SLAMF6: variants seen among roughly 807,000 people sequenced by gnomAD.
SLAMF6 encodes the protein SLAM family member 6.
In SLAMF6, 21 loss-of-function variants were observed where a neutral mutation model predicts 38.3. The ratio of observed to expected loss-of-function variants is 0.55; its 90% CI spans 0.39 to 0.79. SLAMF6 has a LOEUF of 0.79. Ranked by LOEUF, SLAMF6 falls within the 30% of genes least tolerant of loss-of-function variation. SLAMF6 has a pLI of 0.00. For synonymous variants in SLAMF6, 152 were observed against 146.3 expected, an observed-to-expected ratio of 1.04 and a Z score of -0.28; for missense variants, 341 against 385.3, an observed-to-expected ratio of 0.89 and a Z score of 0.96.
At chr1:160,507,820 G>A (rs865993334) in intron 1 of SLAMF6, among the ~76,000 whole-genome samples, 1 of 151,964 alleles carries the variant, frequency 6.6e-6, no homozygotes, top group Non-Finnish European at 1.5e-5. Context: ...AGATGAATTA[G>A]GATATATCTT....
chr1:160,491,258 G>C lies in SLAMF6; in HGVS notation c.513C>G (p.Asn171Lys). ...TGAGGTTTGGCTGACTTGAAAGTGT[G>C]TTTCCCAAGGCCTCCCATCTGAATG... ...NVSFRWEALG[N>K]TLSSQPNLTV... Residue 171 changes from asparagine to lysine, a missense_variant, in exon 3 of 8, where the codon AAC becomes AAG. By Grantham distance (94) the Asn-to-Lys change is moderately conservative (BLOSUM62 0). Coordinates refer to ENST00000368057, the MANE Select transcript of SLAMF6 (RefSeq NM_001184714.2). The C allele has an allele frequency of 1.2e-6, 2 of 1,614,098 alleles. No homozygotes were observed.
chr1:160,520,104 T>C (rs769558136), intron 1 of SLAMF6, among the ~76,000 whole-genome samples: 15 of 151,934 alleles, frequency 9.9e-5, no homozygotes, highest in Non-Finnish European at 1.9e-4. Context: ...ATAAAACAGC[T>C]CTCTGCCTGT....
chr1:160,495,361 A>T (rs984404400), intron 2 of SLAMF6, among the ~76,000 whole-genome samples: 2 of 152,250 alleles, frequency 1.3e-5, no homozygotes, highest in African/African-American at 4.8e-5. Context: ...ATATTGACTC[A>T]TAAGAAATCT....
intron 1 of SLAMF6, 58 bp downstream of exon 1, chr1:160,523,086 A>G: frequency 6.3e-7 from 1 of 1,582,922 alleles, no homozygotes; most frequent in East Asian, 2.2e-5. Flanking sequence ...TAGGTTGAGC[A>G]AGCTGCACAA....
chr1:160,486,435 G>C lies in SLAMF6; in HGVS notation c.*272C>G, dbSNP rs765384538. On this transcript the variant is annotated 3_prime_UTR_variant, in exon 8 of 8. Coordinates refer to ENST00000368057, the MANE Select transcript of SLAMF6 (RefSeq NM_001184714.2). Reference sequence around the variant, plus strand: ...TCCATTTGCTTAGTTATCAAAGAGAGAGTCAATGTGCTGGTGTGTTATCTT... The same window carrying C: ...TCCATTTGCTTAGTTATCAAAGAGACAGTCAATGTGCTGGTGTGTTATCTT... 188 of 392,536 alleles carry C rather than the reference G, an allele frequency of 4.8e-4. No individual in the cohort carries two copies. Among genetic ancestry groups the C allele is most frequent in the Non-Finnish European group, 6.9e-4 (147 of 213,798 alleles). 24.3% of individuals were successfully genotyped at this position (392,536 alleles called of 1,614,324 possible). A position where few individuals can be genotyped will look rare whatever the true frequency, so the allele number is the denominator to read the frequency against.
intron 1 of SLAMF6, among the ~76,000 whole-genome samples, chr1:160,502,054 A>G (rs2050523): frequency 0.9 from 137,361 of 152,198 alleles, 62,148 homozygotes; most frequent in Non-Finnish European, 0.93. Flanking sequence ...GAGCTGCTTC[A>G]GGGCCAAGGT....
At chr1:160,514,518 A>T (rs926842046) in intron 1 of SLAMF6, among the ~76,000 whole-genome samples, 3 of 152,228 alleles carry the variant, frequency 2.0e-5, no homozygotes, top group African/African-American at 7.2e-5. Context: ...ATAGACCTCT[A>T]CAAAACTCTC....
At chr1:160,494,546 G>T (rs1240361879) in intron 2 of SLAMF6, among the ~76,000 whole-genome samples, 2 of 152,144 alleles carry the variant, frequency 1.3e-5, no homozygotes, top group Non-Finnish European at 2.9e-5. Context: ...TGGAAAAAAA[G>T]GGTCTTTGCA....
In SLAMF6 at chr1:160,489,145, A is replaced by G; in HGVS notation, c.822T>C (p.Tyr274=). 1 of 1,613,954 alleles carries G rather than the reference A, an allele frequency of 6.2e-7. No homozygotes were observed. The highest frequency in any genetic ancestry group is 8.5e-7 in the Non-Finnish European group (1 of 1,179,868). Residue 274 remains tyrosine, a synonymous_variant, in exon 6 of 8, where the codon TAT becomes TAC. Transcript: ENST00000368057. The part of the protein sequence containing the change: ...GPAESARNLE[Y]VSVSPTNNTV... ...TGTTGTTCGTTGGAGACACTGAAAC[A>G]TACTCTAGGTTCCTTGCGGACTCTG...
chr1:160,491,152 A>G lies in SLAMF6; in HGVS notation c.619T>C (p.Ser207Pro). ...TCGCAAAGCTTCTGGGCAGAGACAG[A>G]GAAGGATAAATTACTGACAGCATTC... is the stretch of plus-strand genomic sequence containing the variant. ...AENAVSNLSF[S>P]VSAQKLCEDV... Residue 207 changes from serine to proline, a missense_variant, in exon 3 of 8, where the codon TCT (serine) becomes CCT (proline). Physicochemically the swap from Ser to Pro is moderately conservative, Grantham distance 74 (BLOSUM62 -1). Transcript: ENST00000368057. 5 of 1,613,980 alleles carry G rather than the reference A, an allele frequency of 3.1e-6. No individual in the cohort carries two copies. Among genetic ancestry groups the G allele is most frequent in the Non-Finnish European group, 4.2e-6 (5 of 1,179,966 alleles).
intron 1 of SLAMF6, among the ~76,000 whole-genome samples, chr1:160,505,639 T>C (rs1256081828): frequency 3.9e-5 from 6 of 152,120 alleles, no homozygotes; most frequent in African/African-American, 1.4e-4. Flanking sequence ...TGGGCTCAAA[T>C]GATTTACCTG....
intron 6 of SLAMF6, among the ~76,000 whole-genome samples, chr1:160,487,690 G>T (rs1010641691): frequency 6.6e-5 from 10 of 152,262 alleles, no homozygotes; most frequent in Admixed American, 2.0e-4. Flanking sequence ...GAATGGCTCT[G>T]CCTGGAATGC....
chr1:160,523,226 T>A lies in SLAMF6; in HGVS notation c.-34A>T. On this transcript the variant is annotated 5_prime_UTR_variant, in exon 1 of 8. Transcript: ENST00000368057. ...CGGTGAAGACTGGTGCTTGAGACCTTGAGGCAGTCAATGTTTTTGCCCTTC... is the reference window on the plus strand; with the variant it reads ...CGGTGAAGACTGGTGCTTGAGACCTAGAGGCAGTCAATGTTTTTGCCCTTC... 1 of 1,607,934 alleles carries A rather than the reference T, an allele frequency of 6.2e-7. No individual in the cohort carries two copies. The highest frequency in any genetic ancestry group is 8.5e-7 in the Non-Finnish European group (1 of 1,177,386).
At chr1:160,522,349 C>T (rs1405435378) in intron 1 of SLAMF6, among the ~76,000 whole-genome samples, 1 of 152,186 alleles carries the variant, frequency 6.6e-6, no homozygotes, top group Non-Finnish European at 1.5e-5. Flanking sequence ...ACAATAAGTG[C>T]TCAGTGAATG....
intron 7 of SLAMF6, 151 bp from the exon 8 acceptor site, chr1:160,486,905 A>T: frequency 3.0e-6 from 3 of 1,015,216 alleles, no homozygotes; most frequent in Non-Finnish European, 2.9e-6. Flanking sequence ...AAAACATGTA[A>T]TTGAAAACTC....
chr1:160,506,283 T>A (rs540885923), intron 1 of SLAMF6, among the ~76,000 whole-genome samples: 1 of 152,078 alleles, frequency 6.6e-6, no homozygotes, highest in East Asian at 1.9e-4. Flanking sequence ...AAGCAACTAG[T>A]CATGTACAAG....
At position 160,488,483 on chromosome 1, in the gene SLAMF6, C is replaced by A. The variant is rs533809216; in HGVS notation, c.879+605G>T. Among the ~76,000 whole-genome samples the A allele has an allele frequency of 5.9e-5, 9 of 152,226 alleles. No individual in the cohort carries two copies. In the East Asian group the frequency reaches 1.4e-3, roughly 23 times the overall value. On this transcript the variant is annotated intron_variant, in intron 6 of 7. Coordinates refer to ENST00000368057, the MANE Select transcript of SLAMF6 (RefSeq NM_001184714.2). ...TTTAGAGATGTGCCACCTGCAGGTC[C>A]TTTATTTAGGGGTGGTGGGGAGTTG...
At chr1:160,499,738 A>G (rs746354948) in intron 1 of SLAMF6, among the ~76,000 whole-genome samples, 4 of 152,112 alleles carry the variant, frequency 2.6e-5, no homozygotes, top group South Asian at 2.1e-4. Context: ...TTATAGGAGG[A>G]GCTGAATAGG....
rs1259302909 is a variant in SLAMF6, at chr1:160,491,238, T to C, written c.533A>G (p.Asn178Ser). Reference sequence around the variant, plus strand: ...CCTGGGGTCCCAGGAGACAGTGAGGTTTGGCTGACTTGAAAGTGTGTTTCC... The same window carrying C: ...CCTGGGGTCCCAGGAGACAGTGAGGCTTGGCTGACTTGAAAGTGTGTTTCC... ...ALGNTLSSQP[N>S]LTVSWDPRIS... The change falls in exon 3 of 8, where the codon AAC (asparagine) becomes AGC (serine). Residue 178 changes from asparagine (N) to serine (S), a missense_variant. Asn to Ser is a conservative substitution (Grantham distance 46, BLOSUM62 1). Transcript: ENST00000368057. 9.3e-6 allele frequency: 15 copies of C among 1,613,882 alleles called. No homozygotes were observed. Among genetic ancestry groups the C allele is most frequent in the Non-Finnish European group, 1.3e-5 (15 of 1,179,958 alleles).
Sources: allele counts gnomAD v4.1 joint callset (sites outside exome capture counted in the v4.1 genomes callset), GRCh38; gene constraint gnomAD v4.1.1; transcripts MANE v1.5; gene names NCBI Gene and HGNC (gene_info 2026-07-23, HGNC 2026-07-21).